The following WDR72 variants were observed in gnomAD, a reference collection of about 807,000 sequenced individuals.
The protein encoded by WDR72 is WD repeat domain 72.
Under a neutral mutation model 124.2 loss-of-function variants are expected in WDR72, and 120 were observed. The ratio of observed to expected loss-of-function variants is 0.97; its 90% CI spans 0.83 to 1.12. The LOEUF is 1.12. Ranked by LOEUF, WDR72 falls within the 50% of genes most tolerant of loss-of-function variation. The pLI is 0.00. For missense variants in WDR72, 1,387 were observed against 1,278.8 expected (o/e 1.08, Z -1.29); for synonymous variants, 452 against 441.7 (o/e 1.02, Z -0.29).
chr15:53,710,354 TAC>T (rs138077078), intron 9 of WDR72, among the ~76,000 whole-genome samples: 26 of 148,482 alleles, frequency 1.8e-4, no homozygotes, highest in African/African-American at 2.2e-4. Context: ...TTTGTACGTA[TAC>T]ACACACACAC....
rs556579786 is a variant in WDR72, at chr15:53,529,646, G to A, written c.3149-6324C>T. On this transcript the variant is annotated intron_variant, in intron 18 of 19. Coordinates refer to ENST00000360509, the MANE Select transcript of WDR72 (RefSeq NM_182758.4). Reference sequence around the variant, plus strand: ...AGGAGGTTCTCAATGATTGCTGAACGAATAGACAAGGTTATGGAGCAGTAT... The same window carrying A: ...AGGAGGTTCTCAATGATTGCTGAACAAATAGACAAGGTTATGGAGCAGTAT... Among the ~76,000 whole-genome samples the A allele has an allele frequency of 9.2e-5, 14 of 152,038 alleles. No individual in the cohort carries two copies. The South Asian group carries it at 2.5e-3, about 27-fold the overall frequency.
At chr15:53,733,637 G>A (rs1425958472) in intron 1 of WDR72, among the ~76,000 whole-genome samples, 1 of 152,046 alleles carries the variant, frequency 6.6e-6, no homozygotes, top group East Asian at 1.9e-4. Flanking sequence ...TAAAAACAGT[G>A]TTTCCTAGTC....
intron 14 of WDR72, among the ~76,000 whole-genome samples, chr15:53,648,028 A>G (rs1246509524): frequency 6.6e-6 from 1 of 152,132 alleles, no homozygotes; most frequent in Non-Finnish European, 1.5e-5. Context: ...GGAAACTACT[A>G]GAAGACACAG....
chr15:53,557,674 T>A (rs1181808101), intron 18 of WDR72, among the ~76,000 whole-genome samples: 1 of 151,922 alleles, frequency 6.6e-6, no homozygotes, highest in Non-Finnish European at 1.5e-5. Context: ...CCTGGAAAAG[T>A]GACCACCGAC....
chr15:53,624,130 A>G (rs767954699), intron 14 of WDR72, among the ~76,000 whole-genome samples: 1 of 152,122 alleles, frequency 6.6e-6, no homozygotes, highest in African/African-American at 2.4e-5. Context: ...GATGGCTAGA[A>G]GAAGGGTAAG....
intron 2 of WDR72, among the ~76,000 whole-genome samples, chr15:53,723,468 G>T (rs1176541756): frequency 6.6e-6 from 1 of 152,176 alleles, no homozygotes; most frequent in Admixed American, 6.5e-5. Flanking sequence ...AATGAAACCA[G>T]TATCTCAGAG....
intron 18 of WDR72, among the ~76,000 whole-genome samples, chr15:53,575,145 T>C (rs1306515168): frequency 1.3e-5 from 2 of 149,416 alleles, no homozygotes; most frequent in South Asian, 2.1e-4. Context: ...AATTAGTAGC[T>C]TATTTTTCAT....
intron 18 of WDR72, among the ~76,000 whole-genome samples, chr15:53,593,015 G>A (rs1566974175): frequency 6.6e-6 from 1 of 152,074 alleles, no homozygotes. Flanking sequence ...ATGCTGTGAA[G>A]TGTAATAGGA....
At chr15:53,712,623 C>A (rs1463428203) in intron 7 of WDR72, 149 bp downstream of exon 7, 3 of 825,860 alleles carry the variant, frequency 3.6e-6, no homozygotes, top group African/African-American at 3.5e-5. Flanking sequence ...AAAACTGTTA[C>A]GTCAGTCATA....
At chr15:53,624,369 T>C (rs542269255) in intron 14 of WDR72, among the ~76,000 whole-genome samples, 3 of 152,378 alleles carry the variant, frequency 2.0e-5, no homozygotes, top group East Asian at 3.9e-4. Flanking sequence ...TCTGGATTAC[T>C]GGTTAATCAA....
chr15:53,636,773 A>G (rs1471851502), intron 14 of WDR72, among the ~76,000 whole-genome samples: 1 of 152,214 alleles, frequency 6.6e-6, no homozygotes, highest in African/African-American at 2.4e-5. Flanking sequence ...GTACTTGTCC[A>G]CAATCACACA....
At chr15:53,568,429 CAG>C (rs1329245386) in intron 18 of WDR72, among the ~76,000 whole-genome samples, 2 of 151,898 alleles carry the variant, frequency 1.3e-5, no homozygotes, top group Non-Finnish European at 2.9e-5. Context: ...ACAACAGTGA[CAG>C]GGAGCTCACC....
intron 18 of WDR72, among the ~76,000 whole-genome samples, chr15:53,546,945 A>C (rs1287444437): frequency 1.3e-5 from 2 of 152,220 alleles, no homozygotes; most frequent in African/African-American, 2.4e-5. Flanking sequence ...GAGTAAGTAG[A>C]CAATTATAGT....
chr15:53,596,421 G>A (rs934240286), intron 18 of WDR72, among the ~76,000 whole-genome samples: 8 of 151,964 alleles, frequency 5.3e-5, no homozygotes, highest in Non-Finnish European at 7.4e-5. Flanking sequence ...TTATCATTAG[G>A]AAGTGACAGT....
chr15:53,631,736 G>A (rs541442778), intron 14 of WDR72, among the ~76,000 whole-genome samples: 2 of 152,264 alleles, frequency 1.3e-5, no homozygotes, highest in South Asian at 4.1e-4. Context: ...CAAAGAGGGT[G>A]GCTGTATTGT....
chr15:53,693,372 C>T (rs969739064), intron 13 of WDR72, among the ~76,000 whole-genome samples: 1 of 118,314 alleles, frequency 8.5e-6, no homozygotes, highest in Non-Finnish European at 1.7e-5. Context: ...GAGGCAAATA[C>T]AGCTATATTT....
Position 53,517,691 on chromosome 15 carries a change from G to C in WDR72, c.*8C>G, listed in dbSNP as rs1891536998. ...GTCCAAATTCAGCTCCTACTGATGA[G>C]ATTCCATTTAAGACACCTTGCAGGG... is the stretch of plus-strand genomic sequence containing the variant. On this transcript the variant is annotated 3_prime_UTR_variant, in exon 20 of 20. Transcript: ENST00000360509. 5 of 1,612,692 alleles carry C rather than the reference G, an allele frequency of 3.1e-6. No individual in the cohort carries two copies. Among genetic ancestry groups the C allele is most frequent in the Non-Finnish European group, 4.2e-6 (5 of 1,178,984 alleles).
At chr15:53,546,299 T>C (rs1403439159) in intron 18 of WDR72, among the ~76,000 whole-genome samples, 2 of 151,946 alleles carry the variant, frequency 1.3e-5, no homozygotes, top group African/African-American at 2.4e-5. Flanking sequence ...ATTAAGAAAA[T>C]GTGGCACATA....
intron 9 of WDR72, among the ~76,000 whole-genome samples, chr15:53,710,050 A>C (rs2017488673): frequency 6.6e-6 from 1 of 152,206 alleles, no homozygotes; most frequent in Admixed American, 6.5e-5. Context: ...ACAACTGCTT[A>C]AATTTTCAGG....
Sources: allele counts gnomAD v4.1 joint callset (sites outside exome capture counted in the v4.1 genomes callset), GRCh38; gene constraint gnomAD v4.1.1; transcripts MANE v1.5; gene names NCBI Gene and HGNC (gene_info 2026-07-23, HGNC 2026-07-21).